OR51B5: variants seen among roughly 807,000 people sequenced by gnomAD.
OR51B5 encodes olfactory receptor family 51 subfamily B member 5.
For synonymous variants in OR51B5, 186 were observed against 144.8 expected, an observed-to-expected ratio of 1.28 and a Z score of -2.04; for missense variants, 456 against 374.6, an observed-to-expected ratio of 1.22 and a Z score of -1.79.
At chr11:5,371,323 T>A (rs551019233) in intron 1 of OR51B5, among the ~76,000 whole-genome samples, 2 of 152,268 alleles carry the variant, frequency 1.3e-5, no homozygotes, top group South Asian at 4.2e-4. Flanking sequence ...ATTGAACATA[T>A]AATTCTCATT....
chr11:5,496,084 T>C (rs967546801), intron 1 of OR51B5, among the ~76,000 whole-genome samples: 1 of 151,958 alleles, frequency 6.6e-6, no homozygotes, highest in African/African-American at 2.4e-5. Context: ...TTGCCTTCCC[T>C]GATTGTGACC....
intron 1 of OR51B5, among the ~76,000 whole-genome samples, chr11:5,399,804 A>C (rs182883861): frequency 0.01 from 1,555 of 151,986 alleles, 29 homozygotes; most frequent in African/African-American, 0.035. Flanking sequence ...AAAAGGAAGA[A>C]AACAAAAGAG....
intron 1 of OR51B5, among the ~76,000 whole-genome samples, chr11:5,423,423 C>T (rs1850389476): frequency 6.6e-6 from 1 of 152,112 alleles, no homozygotes; most frequent in Non-Finnish European, 1.5e-5. Flanking sequence ...AAAGTTCTCT[C>T]GAAGCTTGTC....
chr11:5,389,636 C>T (rs1468968421), intron 1 of OR51B5: 2 of 1,613,558 alleles, frequency 1.2e-6, no homozygotes, highest in Non-Finnish European at 1.7e-6. Flanking sequence ...CTTGCTGGCC[C>T]TCACTGACCT....
At chr11:5,422,893 C>T in intron 1 of OR51B5, 1 of 1,614,056 alleles carries the variant, frequency 6.2e-7, no homozygotes, top group Non-Finnish European at 8.5e-7. Flanking sequence ...TGGGCACAGC[C>T]ACCTGGGCTG....
downstream of OR51B5, among the ~76,000 whole-genome samples, chr11:5,341,530 A>C (rs1848892649): frequency 6.6e-6 from 1 of 152,194 alleles, no homozygotes; most frequent in African/African-American, 2.4e-5. Flanking sequence ...TAATTAAGAC[A>C]TAACCTCCCT....
intron 1 of OR51B5, among the ~76,000 whole-genome samples, chr11:5,406,545 T>A (rs1163867735): frequency 1.3e-5 from 2 of 152,188 alleles, no homozygotes; most frequent in Non-Finnish European, 2.9e-5. Context: ...CTACGTTTTA[T>A]GTTCTCAACA....
chr11:5,460,722 T>A (rs551063315), intron 1 of OR51B5, among the ~76,000 whole-genome samples: 4 of 152,222 alleles, frequency 2.6e-5, no homozygotes, highest in African/African-American at 9.6e-5. Flanking sequence ...CCCTTAATCT[T>A]TGAAGTTGCT....
At position 5,373,559 on chromosome 11, in the gene OR51B5, G is replaced by A. The variant is rs373006446; in HGVS notation, n.85-26649C>T. Among the ~76,000 whole-genome samples the A allele has an allele frequency of 1.2e-3, 180 of 152,276 alleles. 2 individuals are homozygous for A. The highest frequency in any genetic ancestry group is 4.1e-3 in the African/African-American group (170 of 41,552). On this transcript the variant is annotated intron_variant and non_coding_transcript_variant, in intron 1 of 4. Transcript: ENST00000415970. ...CACTTGGGAAGCACAAGGGGTCATGGAGTTCCCTTTCCTGGTCAAGGAAAG... is the reference window on the plus strand; with the variant it reads ...CACTTGGGAAGCACAAGGGGTCATGAAGTTCCCTTTCCTGGTCAAGGAAAG...
At chr11:5,413,379 C>T (rs950761520) in intron 1 of OR51B5, among the ~76,000 whole-genome samples, 5 of 152,120 alleles carry the variant, frequency 3.3e-5, no homozygotes, top group African/African-American at 1.2e-4. Context: ...AGCAGAGCAC[C>T]TCTCCTCCTC....
At chr11:5,381,555 A>T (rs1849609378) in intron 1 of OR51B5, among the ~76,000 whole-genome samples, 1 of 152,042 alleles carries the variant, frequency 6.6e-6, no homozygotes, top group Non-Finnish European at 1.5e-5. Context: ...TAACATCTTT[A>T]CTCAATGTGA....
Position 5,361,522 on chromosome 11 carries a change from T to G in OR51B5, n.85-14612A>C, listed in dbSNP as rs1027466686. ...AACAGGTCGGTAAAGAACTCCAGTG[T>G]GTCTTGGCCTAGAGGCTCCGCATAG... On this transcript the variant is annotated intron_variant and non_coding_transcript_variant, in intron 1 of 4. Transcript: ENST00000415970. Among the ~76,000 whole-genome samples the G allele has an allele frequency of 2.0e-4, 30 of 152,178 alleles. 1 individual carries two copies. Among genetic ancestry groups the G allele is most frequent in the African/African-American group, 7.0e-4 (29 of 41,442 alleles).
At chr11:5,497,416 T>C (rs1851666258) in intron 1 of OR51B5, among the ~76,000 whole-genome samples, 1 of 152,084 alleles carries the variant, frequency 6.6e-6, no homozygotes, top group African/African-American at 2.4e-5. Context: ...CGTCTCAAAA[T>C]AAATAAATTG....
chr11:5,477,783 T>C (rs559070043), intron 1 of OR51B5, among the ~76,000 whole-genome samples: 1 of 152,268 alleles, frequency 6.6e-6, no homozygotes, highest in African/African-American at 2.4e-5. Context: ...CACTCCCACC[T>C]GAATATTGCG....
intron 1 of OR51B5, among the ~76,000 whole-genome samples, chr11:5,432,069 A>G (rs1850542780): frequency 6.6e-6 from 1 of 152,194 alleles, no homozygotes. Context: ...AAAAATATGC[A>G]TTGTTGTTAA....
At chr11:5,367,876 C>T (rs1849395068) in intron 1 of OR51B5, among the ~76,000 whole-genome samples, 2 of 152,090 alleles carry the variant, frequency 1.3e-5, no homozygotes, top group African/African-American at 2.4e-5. Flanking sequence ...GTGCTTTCTG[C>T]CTATATCTAT....
intron 1 of OR51B5, among the ~76,000 whole-genome samples, chr11:5,358,001 G>C (rs1359162816): frequency 1.3e-5 from 2 of 151,964 alleles, no homozygotes; most frequent in Non-Finnish European, 2.9e-5. Flanking sequence ...AGTGTGTAGA[G>C]GGAAATTTAT....
chr11:5,359,141 C>A (rs1206679635), intron 1 of OR51B5, among the ~76,000 whole-genome samples: 1 of 152,016 alleles, frequency 6.6e-6, no homozygotes, highest in Non-Finnish European at 1.5e-5. Context: ...AATTTCTGGC[C>A]AGGGCAATTA....
Position 5,403,478 on chromosome 11 carries a change from C to T in OR51B5, n.85-56568G>A, listed in dbSNP as rs1220957781. The T allele has an allele frequency of 1.7e-5, 8 of 471,606 alleles. No homozygotes were observed. In the East Asian group the frequency reaches 4.9e-4, roughly 29 times the overall value. 29.2% of individuals were successfully genotyped at this position (471,606 alleles called of 1,614,324 possible). A position where few individuals can be genotyped will look rare whatever the true frequency, so the allele number is the denominator to read the frequency against. On this transcript the variant is annotated intron_variant and non_coding_transcript_variant, in intron 1 of 4. Transcript: ENST00000415970. ...CACCTGTTGTCAATCCTATTGTCTACAGCATTAAGACCAAGGAGATCCATG... is the reference window on the plus strand; with the variant it reads ...CACCTGTTGTCAATCCTATTGTCTATAGCATTAAGACCAAGGAGATCCATG...
Sources: gnomAD v4.1 joint callset for allele counts (sites outside exome capture counted in the v4.1 genomes callset) on GRCh38, gnomAD v4.1.1 for gene constraint, MANE v1.5 for transcripts, NCBI Gene and HGNC (gene_info 2026-07-23, HGNC 2026-07-21) for gene names.